Variants in HYLS1 observed in about 807,000 individuals in gnomAD.
The protein encoded by HYLS1 is HYLS1 centriolar and ciliogenesis associated, also known as centriolar and ciliogenesis-associated protein HYLS1.
HYLS1 carries 25 observed loss-of-function variants against 29.4 expected under a neutral mutation model. That is an observed-to-expected ratio of 0.85 (90% CI 0.62 to 1.19). HYLS1 has a LOEUF of 1.19. Ranked by LOEUF, HYLS1 falls within the 50% of genes most tolerant of loss-of-function variation. HYLS1 has a pLI of 0.00. For synonymous variants in HYLS1, 128 were observed against 126.7 expected, an observed-to-expected ratio of 1.01 and a Z score of -0.07; for missense variants, 352 against 365.1, an observed-to-expected ratio of 0.96 and a Z score of 0.29.
chr11:125,895,813 G>A (rs758663871), intron 2 of HYLS1: 1 of 1,580,968 alleles, frequency 6.3e-7, no homozygotes, highest in Non-Finnish European at 8.6e-7. Flanking sequence ...CAAAGATACT[G>A]GGTTTTAGAG....
At chr11:125,890,303 TA>T (rs35011154) in intron 1 of HYLS1, among the ~76,000 whole-genome samples, 124,265 of 152,076 alleles carry the variant, frequency 0.82, 51,390 homozygotes, top group Admixed American at 0.89. Flanking sequence ...ATCTTACTGA[TA>T]ATGTGTACCC....
At chr11:125,899,276 TA>T in intron 2 of HYLS1, 67 bp from the exon 3 acceptor site, 1 of 1,122,150 alleles carries the variant, frequency 8.9e-7, no homozygotes, top group African/African-American at 1.5e-5. Flanking sequence ...AAAACGGAGA[TA>T]AGGGAATGAG....
intron 2 of HYLS1, chr11:125,895,507 C>T: frequency 6.2e-7 from 1 of 1,614,180 alleles, no homozygotes; most frequent in South Asian, 1.1e-5. Context: ...TTCCTGAAAT[C>T]ATGGGTGCCA....
rs1179210038 is a variant in HYLS1 at position 125,900,019 on chromosome 11, T to G, written c.651T>G (p.Phe217Leu). ...RGKTDRVARY[F>L]EYKRDWDSIR... ...AGACAGACCGGGTAGCCCGGTATTTTGAGTACAAACGGGACTGGGACTCAA... is the reference window on the plus strand; with the variant it reads ...AGACAGACCGGGTAGCCCGGTATTTGGAGTACAAACGGGACTGGGACTCAA... The change falls in exon 3 of 3, where the codon TTT becomes TTG. Residue 217 changes from phenylalanine to leucine, a missense_variant. Transcript: ENST00000425380. The G allele has an allele frequency of 1.2e-6, 2 of 1,614,084 alleles. No individual in the cohort carries two copies. The highest frequency in any genetic ancestry group is 1.3e-5 in the African/African-American group (1 of 74,918).
intron 1 of HYLS1, among the ~76,000 whole-genome samples, chr11:125,888,437 G>A (rs1944349003): frequency 6.6e-6 from 1 of 152,158 alleles, no homozygotes; most frequent in Non-Finnish European, 1.5e-5. Context: ...TGTGTGCTGG[G>A]GATAATCTGT....
At position 125,899,750 on chromosome 11, in the gene HYLS1, C is replaced by T. The variant is rs1279919354; in HGVS notation, c.382C>T (p.Leu128Phe). ...SESGTENDQD[L>F]WDLRQRLMNV... Reference sequence around the variant, plus strand: ...ATCTGGTACAGAAAATGATCAGGATCTCTGGGACTTAAGACAAAGGCTGAT... The same window carrying T: ...ATCTGGTACAGAAAATGATCAGGATTTCTGGGACTTAAGACAAAGGCTGAT... Residue 128 changes from leucine (L) to phenylalanine (F), a missense_variant, in exon 3 of 3, where the codon CTC becomes TTC. Leu to Phe is a conservative substitution (Grantham distance 22, BLOSUM62 0). Transcript: ENST00000425380. 1.2e-6 allele frequency: 2 copies of T among 1,614,170 alleles called. No individual in the cohort carries two copies. The highest frequency in any genetic ancestry group is 1.7e-5 in the Admixed American group (1 of 60,030).
chr11:125,893,714 A>AT (rs1280799576), intron 2 of HYLS1: 10 of 1,312,136 alleles, frequency 7.6e-6, no homozygotes, highest in South Asian at 1.8e-5. Context: ...CTTGCAAGTA[A>AT]ATTTTTTTTT....
At chr11:125,885,226 C>T (rs1455777892), upstream of HYLS1, among the ~76,000 whole-genome samples, 3 of 152,088 alleles carry the variant, frequency 2.0e-5, no homozygotes, top group Non-Finnish European at 2.9e-5. Flanking sequence ...TGGAGGCTGG[C>T]GGATCGCTTG....
In HYLS1 at chr11:125,893,981, C is replaced by T. The variant is rs376386339; in HGVS notation, c.-26+2509C>T. On this transcript the variant is annotated intron_variant, in intron 2 of 2. Transcript: ENST00000425380. ...GGATTCCAGTCCTTGGCATTTAGGACGGTCCATGAGGGGCTTATATGTGCG... is the reference window on the plus strand; with the variant it reads ...GGATTCCAGTCCTTGGCATTTAGGATGGTCCATGAGGGGCTTATATGTGCG... 4.6e-5 allele frequency: 75 copies of T among 1,613,984 alleles called. No homozygotes were observed. The highest frequency in any genetic ancestry group is 5.4e-5 in the Non-Finnish European group (64 of 1,180,022).
rs1390982633 is a variant in HYLS1, at chr11:125,895,438, C to T, written c.-25-3906C>T. ...CTCTGGCCCACTAGCTGTACTTGAG[C>T]AGATAGAATAGTCCTCTGAAAATTA... On this transcript the variant is annotated intron_variant, in intron 2 of 2. Coordinates refer to ENST00000425380, the MANE Select transcript of HYLS1 (RefSeq NM_001134793.2). 5.0e-6 allele frequency: 8 copies of T among 1,613,994 alleles called. No individual in the cohort carries two copies. The South Asian group carries it at 6.6e-5, about 13-fold the overall frequency.
Position 125,899,625 on chromosome 11 carries a change from C to T in HYLS1, c.257C>T (p.Ser86Phe). Residue 86 changes from serine to phenylalanine, a missense_variant, in exon 3 of 3, where the codon TCC becomes TTC. By Grantham distance (155) the Ser-to-Phe change is radical. Transcript: ENST00000425380. Reference protein sequence around the residue: ...NVPSETVSEASQRLRKPVMKR... With the variant: ...NVPSETVSEAFQRLRKPVMKR... ...CCTTCAGAAACAGTCTCTGAGGCCT[C>T]CCAAAGACTCCGAAAGCCAGTGATG... is the stretch of plus-strand genomic sequence containing the variant. 1 of 1,614,154 alleles carries T rather than the reference C, an allele frequency of 6.2e-7. No homozygotes were observed. Among genetic ancestry groups the T allele is most frequent in the Non-Finnish European group, 8.5e-7 (1 of 1,180,028 alleles).
intron 2 of HYLS1, chr11:125,895,901 C>T (rs770470861): frequency 6.2e-7 from 1 of 1,610,714 alleles, no homozygotes; most frequent in Admixed American, 1.7e-5. Context: ...GTGTATTGGC[C>T]CTTACCTGTC....
At chr11:125,895,356 C>T in intron 2 of HYLS1, 3 of 1,614,202 alleles carry the variant, frequency 1.9e-6, no homozygotes, top group Non-Finnish European at 2.5e-6. Flanking sequence ...GAATGCCTGG[C>T]CAGTCACTTC....
chr11:125,898,237 A>T (rs1173947201), intron 2 of HYLS1, among the ~76,000 whole-genome samples: 3 of 152,228 alleles, frequency 2.0e-5, no homozygotes, highest in African/African-American at 4.8e-5. Context: ...GTTTAAAAAG[A>T]AAAATAGTGG....
upstream of HYLS1, chr11:125,883,971 C>A: frequency 6.6e-6 from 1 of 152,150 alleles, no homozygotes; most frequent in Non-Finnish European, 1.5e-5. Flanking sequence ...ACCAACAACA[C>A]CTAATTGGGG....
rs148691077 is a variant in HYLS1 at position 125,896,146 on chromosome 11, C to T, written c.-25-3198C>T. The T allele has an allele frequency of 2.5e-3, 3,964 of 1,614,158 alleles. 12 individuals are homozygous for T. The highest frequency in any genetic ancestry group is 2.5e-3 in the Non-Finnish European group (2,911 of 1,180,012). On this transcript the variant is annotated intron_variant, in intron 2 of 2. Coordinates refer to ENST00000425380, the MANE Select transcript of HYLS1 (RefSeq NM_001134793.2). ...AATGCACGCTTAGTTTTTCCAGCTC[C>T]TGCTGAATTTTCTCTAATGTTTGAG... is the stretch of plus-strand genomic sequence containing the variant.
intron 2 of HYLS1, among the ~76,000 whole-genome samples, chr11:125,892,323 AATT>A (rs941057714): frequency 6.6e-6 from 1 of 152,198 alleles, no homozygotes; most frequent in Non-Finnish European, 1.5e-5. Flanking sequence ...TAGTAATGAA[AATT>A]ATTATTGAGG....
chr11:125,886,207 A>T (rs1944302101), upstream of HYLS1, among the ~76,000 whole-genome samples: 1 of 152,150 alleles, frequency 6.6e-6, no homozygotes, highest in African/African-American at 2.4e-5. Context: ...GCAGTCACTC[A>T]AATCTCCACA....
chr11:125,899,861 C>G lies in HYLS1; in HGVS notation c.493C>G (p.Gln165Glu), dbSNP rs769343521. 1.6e-5 allele frequency: 26 copies of G among 1,614,212 alleles called. No homozygotes were observed. Among genetic ancestry groups the G allele is most frequent in the Non-Finnish European group, 2.2e-5 (26 of 1,180,046 alleles). ...ACCACATGAATACCAAGGAATTTCT[C>G]AAGATCAGCTCATTTGCTCTCTACA... The part of the protein sequence containing the change: ...NLPHEYQGIS[Q>E]DQLICSLQRE... The change falls in exon 3 of 3, where the codon CAA becomes GAA. Residue 165 changes from glutamine to glutamate, a missense_variant. By Grantham distance (29) the Gln-to-Glu change is conservative. Transcript: ENST00000425380.
Sources: gnomAD v4.1 joint callset for allele counts (sites outside exome capture counted in the v4.1 genomes callset) on GRCh38, gnomAD v4.1.1 for gene constraint, MANE v1.5 for transcripts, NCBI Gene and HGNC (gene_info 2026-07-23, HGNC 2026-07-21) for gene names.